NYAP2: variants seen among roughly 807,000 people sequenced by gnomAD.
NYAP2 encodes the protein neuronal tyrosine-phosphorylated phosphoinositide-3-kinase adaptor 2, also known as neuronal tyrosine-phosphorylated phosphoinositide-3-kinase adapter 2.
In NYAP2, 23 loss-of-function variants were observed where a neutral mutation model predicts 50.4. That is an observed-to-expected ratio of 0.46 (90% CI 0.33 to 0.65). The LOEUF (loss-of-function observed/expected upper bound fraction) is 0.65. Among genes scored for constraint, NYAP2 ranks in the 30% least tolerant of loss-of-function variants. The probability of loss-of-function intolerance (pLI) is 0.02; values close to 1 mark genes in which losing one functional copy is unlikely to be tolerated. For missense variants in NYAP2, 885 were observed against 861.0 expected, an observed-to-expected ratio of 1.03 and a Z score of -0.35; for synonymous variants, 394 against 365.2, an observed-to-expected ratio of 1.08 and a Z score of -0.90.
intron 3 of NYAP2, among the ~76,000 whole-genome samples, chr2:225,512,835 C>CTTTCTTTCTTTCTT (rs1420137730): frequency 5.1e-5 from 3 of 58,748 alleles, no homozygotes; most frequent in African/African-American, 1.6e-4. Context: ...CTCTCTCTCT[C>CTTTCTTTCTTTCTT]TCTTTCTTTC....
intron 3 of NYAP2, among the ~76,000 whole-genome samples, chr2:225,448,699 A>G (rs563976805): frequency 6.6e-6 from 1 of 152,314 alleles, no homozygotes; most frequent in Admixed American, 6.5e-5. Flanking sequence ...AGCTGCAACT[A>G]TCAAGCTTTC....
chr2:225,680,438 T>C, the NYAP2 span, among the ~76,000 whole-genome samples: 6 of 152,178 alleles, frequency 3.9e-5, no homozygotes, highest in Non-Finnish European at 8.8e-5. Flanking sequence ...CCCTGCATTA[T>C]TCTACAGGCA....
At chr2:225,448,339 C>T (rs11896531) in intron 3 of NYAP2, among the ~76,000 whole-genome samples, 3,040 of 152,086 alleles carry the variant, frequency 0.02, 98 homozygotes, top group African/African-American at 0.067. Flanking sequence ...CACTTGAAAG[C>T]GACCAGGGGA....
At chr2:225,556,211 A>G (rs769622109) in intron 4 of NYAP2, among the ~76,000 whole-genome samples, 11 of 152,204 alleles carry the variant, frequency 7.2e-5, no homozygotes, top group Non-Finnish European at 1.5e-4. Context: ...TCTGAGAAGC[A>G]TTCCCTTAAG....
intron 3 of NYAP2, among the ~76,000 whole-genome samples, chr2:225,498,686 A>T (rs564005474): frequency 1.3e-5 from 2 of 152,186 alleles, no homozygotes; most frequent in South Asian, 2.1e-4. Context: ...AGCCTTGTAG[A>T]TGGTTTGGAA....
intron 4 of NYAP2, among the ~76,000 whole-genome samples, chr2:225,558,517 C>T (rs1574677345): frequency 6.6e-6 from 1 of 152,172 alleles, no homozygotes; most frequent in East Asian, 1.9e-4. Context: ...ATCTTGCTCA[C>T]TCTGCTTCCA....
At chr2:225,454,853 T>G (rs1689713376) in intron 3 of NYAP2, among the ~76,000 whole-genome samples, 1 of 152,080 alleles carries the variant, frequency 6.6e-6, no homozygotes. Flanking sequence ...CACCGTGTTA[T>G]GTTAAATAGC....
intron 6 of NYAP2, among the ~76,000 whole-genome samples, chr2:225,643,260 C>T (rs886544030): frequency 9.2e-5 from 14 of 151,934 alleles, no homozygotes; most frequent in African/African-American, 3.4e-4. Context: ...AGAGATTTTT[C>T]CAGGAAAGCA....
chr2:225,476,213 A>T (rs550485954), intron 3 of NYAP2, among the ~76,000 whole-genome samples: 127 of 152,246 alleles, frequency 8.3e-4, no homozygotes, highest in African/African-American at 2.9e-3. Flanking sequence ...GGAGATGGAG[A>T]CCATCCTGGC....
chr2:225,649,544 G>A (rs1470607029), intron 6 of NYAP2, among the ~76,000 whole-genome samples: 8 of 152,156 alleles, frequency 5.3e-5, no homozygotes, highest in African/African-American at 1.2e-4. Context: ...TAGGTTTAAT[G>A]TCTCTCCCCT....
chr2:225,563,908 G>A (rs1465696327), intron 4 of NYAP2, among the ~76,000 whole-genome samples: 1 of 152,020 alleles, frequency 6.6e-6, no homozygotes, highest in Non-Finnish European at 1.5e-5. Context: ...ACTTGGGGGT[G>A]GGAAAAGCCA....
chr2:225,632,642 T>C (rs1328014785), intron 6 of NYAP2, among the ~76,000 whole-genome samples: 4 of 152,220 alleles, frequency 2.6e-5, no homozygotes, highest in Non-Finnish European at 5.9e-5. Flanking sequence ...AGGGTGATTC[T>C]TGAAGGCAGT....
intron 6 of NYAP2, among the ~76,000 whole-genome samples, chr2:225,632,007 G>A (rs1044466896): frequency 6.6e-6 from 1 of 152,074 alleles, no homozygotes; most frequent in African/African-American, 2.4e-5. Flanking sequence ...TAGTAGAGAC[G>A]GGGTTTCATC....
At chr2:225,425,092 A>G (rs1259664275) in intron 3 of NYAP2, among the ~76,000 whole-genome samples, 2 of 152,164 alleles carry the variant, frequency 1.3e-5, no homozygotes, top group Non-Finnish European at 2.9e-5. Context: ...GAGCTTTCAG[A>G]AAAAGGAGAC....
rs1264315687 is a variant in NYAP2 at position 225,493,876 on chromosome 2, A to G, written c.222-19495A>G. Among the ~76,000 whole-genome samples, 3 of 152,360 alleles carry G rather than the reference A, an allele frequency of 2.0e-5. No homozygotes were observed. In the East Asian group the frequency reaches 5.8e-4, roughly 29 times the overall value. On this transcript the variant is annotated intron_variant, in intron 3 of 6. Coordinates refer to ENST00000636099, the Ensembl canonical transcript of NYAP2. ...ACGTCAGAGTTGGAAAGAAGTGCACAAGCAGCTCTGCCAACCCATTGTAAT... is the reference window on the plus strand; with the variant it reads ...ACGTCAGAGTTGGAAAGAAGTGCACGAGCAGCTCTGCCAACCCATTGTAAT...
intron 6 of NYAP2, among the ~76,000 whole-genome samples, chr2:225,640,451 C>T (rs1693508373): frequency 6.6e-6 from 1 of 152,198 alleles, no homozygotes. Flanking sequence ...TGACCCCTGC[C>T]TTCAAGGAGC....
At chr2:225,604,899 C>A (rs553808539) in intron 5 of NYAP2, among the ~76,000 whole-genome samples, 2 of 152,038 alleles carry the variant, frequency 1.3e-5, no homozygotes, top group African/African-American at 4.8e-5. Flanking sequence ...ACTCTTTCTG[C>A]CTTACTTTTT....
chr2:225,561,256 A>G (rs968458446), intron 4 of NYAP2, among the ~76,000 whole-genome samples: 4 of 152,082 alleles, frequency 2.6e-5, no homozygotes, highest in Admixed American at 1.3e-4. Context: ...CTGAATTGAA[A>G]AGAAGTAATG....
At chr2:225,696,223 C>T in the NYAP2 span, among the ~76,000 whole-genome samples, 3 of 151,856 alleles carry the variant, frequency 2.0e-5, no homozygotes, top group Non-Finnish European at 4.4e-5. Flanking sequence ...GTGACCATGA[C>T]CTAGTTTCTT....
Sources: gnomAD v4.1 joint callset for allele counts (sites outside exome capture counted in the v4.1 genomes callset) on GRCh38, gnomAD v4.1.1 for gene constraint, MANE v1.5 for transcripts, NCBI Gene and HGNC (gene_info 2026-07-23, HGNC 2026-07-21) for gene names.